MATCAP1: variants seen among roughly 807,000 people sequenced by gnomAD.
The protein encoded by MATCAP1 is microtubule associated tyrosine carboxypeptidase 1.
the MATCAP1 span, chr16:67,180,367 T>C: frequency 3.1e-6 from 5 of 1,612,586 alleles, no homozygotes; most frequent in Non-Finnish European, 4.2e-6. Flanking sequence ...GAGTAGGTGC[T>C]CTCACTGCGA....
chr16:67,183,077 T>A, the MATCAP1 span, among the ~76,000 whole-genome samples: 2 of 152,082 alleles, frequency 1.3e-5, no homozygotes, highest in African/African-American at 4.8e-5. Flanking sequence ...TGCTTCCCTA[T>A]CTAGACTTCA....
chr16:67,180,024 G>T, the MATCAP1 span: 56 of 1,612,750 alleles, frequency 3.5e-5, no homozygotes, highest in East Asian at 1.0e-3. Context: ...AGGATACGGT[G>T]GGGAGGCTGG....
the MATCAP1 span, chr16:67,179,626 T>C: frequency 1.3e-6 from 2 of 1,528,476 alleles, no homozygotes; most frequent in African/African-American, 2.7e-5. This position sits in a 1 kb window ranked among gnomAD's most constrained non-coding sequence, Gnocchi z 5.2. Context: ...GTGGACCCAA[T>C]GATGCCACAG....
chr16:67,178,081 G>C, the MATCAP1 span: 1 of 1,613,936 alleles, frequency 6.2e-7, no homozygotes, highest in African/African-American at 1.3e-5. Context: ...ATGCCGTCCA[G>C]GTACACCTGG....
At chr16:67,178,119 G>A in the MATCAP1 span, 2 of 1,608,740 alleles carry the variant, frequency 1.2e-6, no homozygotes, top group Non-Finnish European at 8.5e-7. Context: ...TGGGAGGGCA[G>A]GAGGGCGGTG....
chr16:67,180,695 C>T, the MATCAP1 span: 1 of 1,013,850 alleles, frequency 9.9e-7, no homozygotes, highest in East Asian at 2.6e-5. Context: ...ATGTGGAGAC[C>T]AGCATGAGTG....
chr16:67,180,622 G>A, the MATCAP1 span: 5 of 1,503,996 alleles, frequency 3.3e-6, no homozygotes, highest in Admixed American at 6.9e-5. Context: ...CTGTCCTGGG[G>A]GTCACATCCA....
At chr16:67,180,617 C>T in the MATCAP1 span, 1 of 1,507,828 alleles carries the variant, frequency 6.6e-7, no homozygotes. Flanking sequence ...CCATTCTGTC[C>T]TGGGGGTCAC....
the MATCAP1 span, chr16:67,178,575 C>T: frequency 1.4e-4 from 188 of 1,364,448 alleles, no homozygotes; most frequent in Admixed American, 5.1e-4. Context: ...CCAGCCCTGG[C>T]CCTGTTCCAT....
chr16:67,177,009 G>C, the MATCAP1 span: 1 of 1,479,622 alleles, frequency 6.8e-7, no homozygotes, highest in Non-Finnish European at 9.0e-7. Flanking sequence ...GGCATAGGCA[G>C]TGGCCCCTGG....
At chr16:67,179,317 G>A in the MATCAP1 span, 2 of 1,507,876 alleles carry the variant, frequency 1.3e-6, no homozygotes. The surrounding 1 kb of genome is among the most constrained non-coding windows in gnomAD (Gnocchi z 5.2). Flanking sequence ...CCGACCTCAG[G>A]AGGGAAGGGG....
At chr16:67,183,630 G>C in the MATCAP1 span, 2 of 152,998 alleles carry the variant, frequency 1.3e-5, no homozygotes, top group African/African-American at 4.8e-5. Context: ...AAATGAGAGG[G>C]TGTGGCCTGT....
At chr16:67,178,851 A>C in the MATCAP1 span, 1 of 551,874 alleles carries the variant, frequency 1.8e-6, no homozygotes, top group South Asian at 1.7e-5. Context: ...CACCCTGCCC[A>C]ACATCCTGGG....
the MATCAP1 span, chr16:67,176,053 CAG>C: frequency 1.7e-5 from 2 of 120,464 alleles, no homozygotes; most frequent in South Asian, 5.5e-4. This position sits in a 1 kb window ranked among gnomAD's most constrained non-coding sequence, Gnocchi z 4.3. Context: ...AGGCCTGAAT[CAG>C]TGTGTGTGTG....
the MATCAP1 span, chr16:67,179,518 C>T: frequency 6.2e-7 from 1 of 1,613,424 alleles, no homozygotes; most frequent in Non-Finnish European, 8.5e-7. The surrounding 1 kb of genome is among the most constrained non-coding windows in gnomAD (Gnocchi z 5.2). Context: ...TCTCCACCAT[C>T]ATCACTGCCT....
chr16:67,177,291 G>GC, the MATCAP1 span, among the ~76,000 whole-genome samples: 1 of 152,088 alleles, frequency 6.6e-6, no homozygotes, highest in Non-Finnish European at 1.5e-5. Context: ...CCTCAGGATG[G>GC]CCCCATGTCC....
chr16:67,183,443 C>T, the MATCAP1 span: 1 of 152,280 alleles, frequency 6.6e-6, no homozygotes, highest in Admixed American at 6.5e-5. Flanking sequence ...GACTTCTTTA[C>T]TCAGAGCTGT....
chr16:67,178,438 C>T, the MATCAP1 span: 11 of 1,537,510 alleles, frequency 7.2e-6, no homozygotes, highest in Non-Finnish European at 9.6e-6. Flanking sequence ...CAGCCCGTAC[C>T]GCAGCCGGCC....
chr16:67,178,752 C>G, the MATCAP1 span: 1 of 691,932 alleles, frequency 1.4e-6, no homozygotes, highest in Non-Finnish European at 2.6e-6. Context: ...CATCCGCCCC[C>G]CACCCTACAC....
Sources: allele counts gnomAD v4.1 joint callset (sites outside exome capture counted in the v4.1 genomes callset), GRCh38; gene constraint gnomAD v4.1.1; non-coding constraint Gnocchi (gnomAD v3.1); transcripts MANE v1.5; gene names NCBI Gene and HGNC (gene_info 2026-07-23, HGNC 2026-07-21).